The following IQCM variants were observed in gnomAD, a reference collection of about 807,000 sequenced individuals.
The protein encoded by IQCM is IQ motif containing M, also known as IQ domain-containing protein M.
A neutral mutation model predicts 57.6 loss-of-function variants in IQCM; 45 were observed. That is an observed-to-expected ratio of 0.78 (90% confidence interval 0.62 to 1.00). The LOEUF is 1.00. IQCM is among the 50% of genes least tolerant of loss of function. The probability of loss-of-function intolerance (pLI) is 0.00; values close to 1 mark genes in which losing one functional copy is unlikely to be tolerated. For synonymous variants in IQCM, 148 were observed against 158.9 expected (o/e 0.93, Z 0.51); for missense variants, 468 against 511.6 (o/e 0.91, Z 0.82).
At chr4:149,435,814 C>G (rs1421795955) in intron 12 of IQCM, among the ~76,000 whole-genome samples, 1 of 151,842 alleles carries the variant, frequency 6.6e-6, no homozygotes, top group African/African-American at 2.4e-5. Flanking sequence ...AAAATATAAA[C>G]AAATCCTAAA....
Position 149,363,134 on chromosome 4 carries a change from C to T in IQCM, c.1391-11068G>A, listed in dbSNP as rs1342113876. Among the ~76,000 whole-genome samples the T allele has an allele frequency of 3.3e-5, 5 of 152,192 alleles. No homozygotes were observed. The East Asian group carries it at 9.6e-4, about 29-fold the overall frequency. On this transcript the variant is annotated intron_variant, in intron 13 of 13. Transcript: ENST00000636793. ...GTCCTGGGTTGCTGAGAGCACAGAG[C>T]ATCAGTGCTCTGGGATCAGGGTAAC...
At chr4:149,485,098 G>T (rs747450660) in intron 12 of IQCM, among the ~76,000 whole-genome samples, 4 of 151,932 alleles carry the variant, frequency 2.6e-5, no homozygotes, top group Admixed American at 2.6e-4. Context: ...TAGCTCCATT[G>T]TATGTTATCT....
chr4:149,577,751 T>G (rs1751800600), intron 9 of IQCM, among the ~76,000 whole-genome samples: 1 of 151,970 alleles, frequency 6.6e-6, no homozygotes, highest in Admixed American at 6.6e-5. Flanking sequence ...AAGAGTTTTT[T>G]CTAATTCTGT....
At chr4:149,795,230 C>T (rs927163714) in intron 2 of IQCM, among the ~76,000 whole-genome samples, 1 of 152,168 alleles carries the variant, frequency 6.6e-6, no homozygotes, top group African/African-American at 2.4e-5. Flanking sequence ...AGATTAATAA[C>T]TCCTCCACCC....
At chr4:149,557,372 A>T (rs202039574) in intron 10 of IQCM, among the ~76,000 whole-genome samples, 1 of 152,154 alleles carries the variant, frequency 6.6e-6, no homozygotes, top group Admixed American at 6.5e-5. Flanking sequence ...AAGATGTCCA[A>T]TTTTGGGTAA....
Position 149,578,881 on chromosome 4 carries a change from G to A in IQCM, c.749+9049C>T, listed in dbSNP as rs558830895. 2.0e-5 allele frequency among the ~76,000 whole-genome samples: 3 copies of A among 151,920 alleles called. No homozygotes were observed. In the South Asian group the frequency reaches 6.2e-4, roughly 32 times the overall value. ...AAGCCTGTTAGAGAAGTAGAACTGT[G>A]GACAGTCTGAGAGTAACCTGGATTA... On this transcript the variant is annotated intron_variant, in intron 9 of 13. Transcript: ENST00000636793.
intron 7 of IQCM, among the ~76,000 whole-genome samples, chr4:149,652,928 C>G (rs999115272): frequency 2.6e-5 from 4 of 152,094 alleles, no homozygotes; most frequent in Admixed American, 6.5e-5. Flanking sequence ...CAAAACACAC[C>G]TCATAAATTT....
At chr4:149,745,964 C>T (rs1253484553) in intron 2 of IQCM, among the ~76,000 whole-genome samples, 2 of 151,636 alleles carry the variant, frequency 1.3e-5, no homozygotes, top group African/African-American at 4.9e-5. Flanking sequence ...AGAGTGAGAC[C>T]CTGTCTCAAA....
At chr4:149,680,911 G>C (rs1762128186) in intron 7 of IQCM, among the ~76,000 whole-genome samples, 1 of 151,228 alleles carries the variant, frequency 6.6e-6, no homozygotes, top group Admixed American at 6.6e-5. Context: ...AGAAAAATAA[G>C]ACTTAAATGA....
chr4:149,616,936 G>A (rs1435756391), intron 8 of IQCM, among the ~76,000 whole-genome samples: 1 of 151,254 alleles, frequency 6.6e-6, no homozygotes, highest in African/African-American at 2.4e-5. Flanking sequence ...AAACCTACAT[G>A]TTCTGCACAT....
intron 13 of IQCM, among the ~76,000 whole-genome samples, chr4:149,388,457 G>A (rs1201792818): frequency 6.8e-6 from 1 of 146,644 alleles, no homozygotes; most frequent in Non-Finnish European, 1.5e-5. Context: ...GATACTGAGT[G>A]TCTTTTCATA....
chr4:149,373,676 C>G (rs1730516336), intron 13 of IQCM, among the ~76,000 whole-genome samples: 1 of 151,498 alleles, frequency 6.6e-6, no homozygotes, highest in Non-Finnish European at 1.5e-5. Flanking sequence ...ATCTTAGGCC[C>G]AGGAATTAAA....
At chr4:149,598,562 C>T (rs891491488) in intron 8 of IQCM, among the ~76,000 whole-genome samples, 5 of 151,982 alleles carry the variant, frequency 3.3e-5, no homozygotes, top group African/African-American at 7.2e-5. Flanking sequence ...GAAAGAAATG[C>T]ATTTAAATAC....
chr4:149,444,574 T>G (rs1736301922), intron 12 of IQCM, among the ~76,000 whole-genome samples: 1 of 152,026 alleles, frequency 6.6e-6, no homozygotes, highest in East Asian at 1.9e-4. Flanking sequence ...GTATTTAATT[T>G]CTTTCATAGG....
intron 12 of IQCM, among the ~76,000 whole-genome samples, chr4:149,505,350 A>T (rs900397927): frequency 6.6e-6 from 1 of 152,176 alleles, no homozygotes; most frequent in South Asian, 2.1e-4. Context: ...TCTATACTTT[A>T]AAAATGAGAG....
At chr4:149,810,467 T>C (rs1324153162) in intron 2 of IQCM, among the ~76,000 whole-genome samples, 1 of 152,040 alleles carries the variant, frequency 6.6e-6, no homozygotes, top group Admixed American at 6.6e-5. Flanking sequence ...TTTTTTTCTT[T>C]GAGACAGAGT....
intron 13 of IQCM, among the ~76,000 whole-genome samples, chr4:149,381,578 T>C (rs556203683): frequency 1.9e-4 from 29 of 152,234 alleles, no homozygotes; most frequent in Middle Eastern, 3.4e-3. Flanking sequence ...TTCTCCTCAA[T>C]TATCTGCCTA....
intron 7 of IQCM, among the ~76,000 whole-genome samples, chr4:149,626,938 GA>G (rs971544500): frequency 1.5e-3 from 223 of 150,484 alleles, no homozygotes; most frequent in African/African-American, 5.0e-3. Context: ...AAAAAATACA[GA>G]AAAAAAAAGA....
chr4:149,786,938 T>C (rs1772129192), intron 2 of IQCM, among the ~76,000 whole-genome samples: 1 of 152,100 alleles, frequency 6.6e-6, no homozygotes, highest in South Asian at 2.1e-4. Flanking sequence ...CAAATGCCCA[T>C]CAATGGTAGA....
Sources: gnomAD v4.1 joint callset for allele counts (sites outside exome capture counted in the v4.1 genomes callset) on GRCh38, gnomAD v4.1.1 for gene constraint, MANE v1.5 for transcripts, NCBI Gene and HGNC (gene_info 2026-07-23, HGNC 2026-07-21) for gene names.